SEPTIN10: variants seen among roughly 807,000 people sequenced by gnomAD.
SEPTIN10 encodes the protein septin-10.
In SEPTIN10, 66 loss-of-function variants were observed where a neutral mutation model predicts 54.8. The observed-to-expected ratio is 1.21, with a 90% CI of 0.99 to 1.48. The LOEUF (loss-of-function observed/expected upper bound fraction) is 1.48. Among genes scored for constraint, SEPTIN10 ranks in the 40% most tolerant of loss-of-function variants. SEPTIN10 has a pLI of 0.00. For missense variants in SEPTIN10, 620 were observed against 545.6 expected (o/e 1.14, Z -1.36); for synonymous variants, 161 against 181.0 (o/e 0.89, Z 0.89).
intron 1 of SEPTIN10, among the ~76,000 whole-genome samples, chr2:109,601,140 C>G (rs762544254): frequency 2.0e-5 from 3 of 152,194 alleles, no homozygotes; most frequent in Non-Finnish European, 4.4e-5. Flanking sequence ...TCACTGGTAT[C>G]AATTAACTTT....
intron 1 of SEPTIN10, among the ~76,000 whole-genome samples, chr2:109,611,799 T>C (rs1428069075): frequency 6.6e-6 from 1 of 152,114 alleles, no homozygotes; most frequent in Non-Finnish European, 1.5e-5. Context: ...TATATACCTA[T>C]AAGAATGGCT....
chr2:109,604,910 A>C (rs1697588404), intron 1 of SEPTIN10: 1 of 152,242 alleles, frequency 6.6e-6, no homozygotes, highest in African/African-American at 2.4e-5. Flanking sequence ...AGTGACTCAA[A>C]CTAAGGTCAC....
chr2:109,564,967 T>C (rs72824789), intron 7 of SEPTIN10, among the ~76,000 whole-genome samples: 9,470 of 152,242 alleles, frequency 0.062, 374 homozygotes, highest in Non-Finnish European at 0.091. Flanking sequence ...ATACTATCCT[T>C]CCCTGCTATA....
At chr2:109,607,590 AT>A (rs1698287223) in intron 1 of SEPTIN10, among the ~76,000 whole-genome samples, 1 of 152,186 alleles carries the variant, frequency 6.6e-6, no homozygotes, top group Non-Finnish European at 1.5e-5. Context: ...GGAGAACTTA[AT>A]TACCTGGGCT....
chr2:109,585,260 G>C lies in SEPTIN10; in HGVS notation c.279C>G (p.Asp93Glu). 1.9e-6 allele frequency: 3 copies of C among 1,612,822 alleles called. No homozygotes were observed. Among genetic ancestry groups the C allele is most frequent in the Non-Finnish European group, 2.5e-6 (3 of 1,179,412 alleles). The change falls in exon 4 of 11, where the codon GAC (aspartate) becomes GAG (glutamate). Residue 93 changes from aspartate to glutamate, a missense_variant. Asp to Glu is a conservative substitution (Grantham distance 45, BLOSUM62 2). Transcript: ENST00000397712. ...TTGGGCAAAAATGTGAGGATTCATA[G>C]TCTTCAAAATTAGTATTAAACAATG... Reference protein sequence around the residue: ...IDTLFNTNFEDYESSHFCPNV... With the variant: ...IDTLFNTNFEEYESSHFCPNV...
intron 4 of SEPTIN10, among the ~76,000 whole-genome samples, chr2:109,578,654 C>G (rs1292744076): frequency 1.3e-5 from 2 of 152,086 alleles, no homozygotes; most frequent in African/African-American, 4.8e-5. Flanking sequence ...GTAATCCCAG[C>G]TACTCGGGAG....
intron 1 of SEPTIN10, among the ~76,000 whole-genome samples, chr2:109,603,454 T>C (rs377163662): frequency 6.6e-6 from 1 of 152,092 alleles, no homozygotes; most frequent in African/African-American, 2.4e-5. Flanking sequence ...TTAGCCAAGA[T>C]GGTCTCAATC....
In SEPTIN10 at chr2:109,544,222, A is replaced by G. The variant is rs542452182; in HGVS notation, c.*87T>C. On this transcript the variant is annotated 3_prime_UTR_variant, in exon 11 of 11. Transcript: ENST00000397712. ...ACCAAATATAGAAGTGATAAAACAA[A>G]TAACAGCAAAATCAAAGCACACTTC... 6.2e-7 allele frequency: 1 copy of G among 1,611,186 alleles called. No individual in the cohort carries two copies. The highest frequency in any genetic ancestry group is 8.5e-7 in the Non-Finnish European group (1 of 1,179,020).
intron 9 of SEPTIN10, among the ~76,000 whole-genome samples, chr2:109,550,453 T>C (rs1445600194): frequency 1.3e-5 from 2 of 151,810 alleles, no homozygotes; most frequent in Admixed American, 6.6e-5. Context: ...GCTGGAATTA[T>C]AGGCATGTTG....
chr2:109,546,367 A>C (rs958350762), intron 9 of SEPTIN10, 130 bp from the exon 10 acceptor site: 2 of 506,630 alleles, frequency 3.9e-6, no homozygotes, highest in African/African-American at 2.0e-5. Context: ...ATCTTTCTGA[A>C]GTCTCAGAAG....
chr2:109,574,274 A>G (rs1457517460), intron 5 of SEPTIN10, among the ~76,000 whole-genome samples: 2 of 150,772 alleles, frequency 1.3e-5, no homozygotes, highest in Non-Finnish European at 1.5e-5. Context: ...ATCCAACTCC[A>G]CAAAAAAAAA....
intron 1 of SEPTIN10, among the ~76,000 whole-genome samples, chr2:109,599,212 C>T (rs1210796843): frequency 6.6e-6 from 1 of 152,216 alleles, no homozygotes; most frequent in South Asian, 2.1e-4. Flanking sequence ...AACCCCAGCA[C>T]TCTGGGAGGC....
At chr2:109,564,209 T>C (rs1453102400) in intron 8 of SEPTIN10, 157 bp downstream of exon 8, 2 of 597,802 alleles carry the variant, frequency 3.3e-6, no homozygotes, top group Admixed American at 4.2e-5. Context: ...AGGAGTCAAG[T>C]GATTCAAGAA....
At chr2:109,595,500 C>G (rs995197247) in intron 1 of SEPTIN10, among the ~76,000 whole-genome samples, 1 of 151,964 alleles carries the variant, frequency 6.6e-6, no homozygotes, top group Admixed American at 6.6e-5. Flanking sequence ...GTCTGTAGGA[C>G]AGAAACAAAG....
At chr2:109,579,205 A>C (rs1439418193) in intron 4 of SEPTIN10, among the ~76,000 whole-genome samples, 2 of 152,236 alleles carry the variant, frequency 1.3e-5, no homozygotes, top group Non-Finnish European at 2.9e-5. Flanking sequence ...CTGGAAAATT[A>C]TAACTTACAA....
intron 1 of SEPTIN10, among the ~76,000 whole-genome samples, chr2:109,595,163 A>C (rs1178393056): frequency 6.6e-6 from 1 of 152,194 alleles, no homozygotes; most frequent in African/African-American, 2.4e-5. Context: ...CTGGGATTAC[A>C]GGCCTGAGCC....
intron 9 of SEPTIN10, among the ~76,000 whole-genome samples, chr2:109,549,424 AG>A (rs1026911025): frequency 3.5e-4 from 54 of 152,238 alleles, no homozygotes; most frequent in African/African-American, 1.3e-3. Flanking sequence ...ACAAGGGGGC[AG>A]GGAAGTGTGA....
At chr2:109,574,502 A>G in intron 5 of SEPTIN10, 79 bp downstream of exon 5, 1 of 858,598 alleles carries the variant, frequency 1.2e-6, no homozygotes. Context: ...GTTACAATAT[A>G]TATCCATATT....
intron 4 of SEPTIN10, among the ~76,000 whole-genome samples, chr2:109,577,728 C>G (rs1215473960): frequency 6.6e-6 from 1 of 151,638 alleles, no homozygotes; most frequent in Non-Finnish European, 1.5e-5. Context: ...GCCTGGCCAA[C>G]ATGGCAAAAT....
Sources: gnomAD v4.1 joint callset for allele counts (sites outside exome capture counted in the v4.1 genomes callset) on GRCh38, gnomAD v4.1.1 for gene constraint, MANE v1.5 for transcripts, NCBI Gene and HGNC (gene_info 2026-07-23, HGNC 2026-07-21) for gene names.